Variants in TPST1 observed in about 807,000 individuals in gnomAD.
TPST1 encodes protein-tyrosine sulfotransferase 1.
In TPST1, 20 loss-of-function variants were observed where a neutral mutation model predicts 34.8. The observed-to-expected ratio is 0.57, with a 90% CI of 0.40 to 0.84. TPST1 has a LOEUF of 0.84. Ranked by LOEUF, TPST1 falls within the 40% of genes least tolerant of loss-of-function variation. The pLI, the probability that TPST1 is intolerant of heterozygous loss-of-function variation, is 0.00. For missense variants in TPST1, 353 were observed against 455.5 expected (o/e 0.78, Z 2.05); for synonymous variants, 152 against 159.4 (o/e 0.95, Z 0.35).
chr7:66,280,378 G>A (rs781492841), intron 2 of TPST1, among the ~76,000 whole-genome samples: 11 of 152,186 alleles, frequency 7.2e-5, no homozygotes, highest in Non-Finnish European at 1.2e-4. Context: ...TCAAGTTTTC[G>A]TGGCTATTGT....
In TPST1 at chr7:66,230,789, G is replaced by A. The variant is rs1166741111; in HGVS notation, c.-101-9536G>A. ...CAGCCTGCTTTTTATTCTTTTATCC[G>A]GCCCCACCCACATCCTGCTGATTGG... is the stretch of plus-strand genomic sequence containing the variant. On this transcript the variant is annotated intron_variant, in intron 1 of 5. Transcript: ENST00000304842. Among the ~76,000 whole-genome samples, 5 of 152,100 alleles carry A rather than the reference G, an allele frequency of 3.3e-5. No homozygotes were observed. In the East Asian group the frequency reaches 5.8e-4, roughly 18 times the overall value.
chr7:66,247,779 CTG>C (rs1247391945), intron 2 of TPST1, among the ~76,000 whole-genome samples: 1 of 152,162 alleles, frequency 6.6e-6, no homozygotes, highest in Non-Finnish European at 1.5e-5. Flanking sequence ...CTGTGCCTAA[CTG>C]TGGTTTACAG....
At chr7:66,227,450 T>A (rs551783089) in intron 1 of TPST1, among the ~76,000 whole-genome samples, 6 of 152,164 alleles carry the variant, frequency 3.9e-5, no homozygotes, top group African/African-American at 1.2e-4. Context: ...AGAGCTGGGG[T>A]GTGGCTCTGT....
chr7:66,317,240 G>A (rs1008197124), intron 3 of TPST1, among the ~76,000 whole-genome samples: 1 of 152,046 alleles, frequency 6.6e-6, no homozygotes, highest in African/African-American at 2.4e-5. Flanking sequence ...TTACTGATTT[G>A]TGCTACCTAT....
At chr7:66,337,566 C>T (rs1239368956) in intron 3 of TPST1, among the ~76,000 whole-genome samples, 1 of 151,994 alleles carries the variant, frequency 6.6e-6, no homozygotes, top group Non-Finnish European at 1.5e-5. Context: ...ATCTCGGCCT[C>T]CTGAAGTGCT....
At chr7:66,359,577 C>T (rs1236169411) in intron 5 of TPST1, 9 of 279,432 alleles carry the variant, frequency 3.2e-5, no homozygotes, top group Non-Finnish European at 5.7e-5. Flanking sequence ...ACAGTGCCCC[C>T]ACAGTAGCAA....
intron 3 of TPST1, among the ~76,000 whole-genome samples, chr7:66,339,492 T>C (rs943731007): frequency 2.6e-5 from 4 of 152,160 alleles, no homozygotes; most frequent in Non-Finnish European, 1.5e-5. Context: ...AAGGGATTAC[T>C]TCCCAACTCA....
chr7:66,252,753 A>G (rs550860221), intron 2 of TPST1, among the ~76,000 whole-genome samples: 1 of 152,306 alleles, frequency 6.6e-6, no homozygotes, highest in East Asian at 1.9e-4. Flanking sequence ...GTATTTACCA[A>G]TCTTTTTCTT....
Position 66,240,243 on chromosome 7 carries a change from T to TA in TPST1, c.-101-78dup, listed in dbSNP as rs1790000383. 39 of 733,336 alleles carry TA rather than the reference T, an allele frequency of 5.3e-5. No individual in the cohort carries two copies. The South Asian group carries it at 7.9e-4, about 15-fold the overall frequency. 45.4% of individuals were successfully genotyped at this position (733,336 alleles called of 1,614,324 possible). A position where few individuals can be genotyped will look rare whatever the true frequency, so the allele number is the denominator to read the frequency against. The stretch of plus-strand genomic sequence containing the variant: ...AAGACTGTTTCAGCTTCTTTCTACC[T>TA]AAAATGCAGTGGTGATAACTGGTGA... On this transcript the variant is annotated intron_variant, in intron 1 of 5. Transcript: ENST00000304842.
At chr7:66,359,570 G>A in intron 5 of TPST1, 1 of 275,556 alleles carries the variant, frequency 3.6e-6, no homozygotes, top group Non-Finnish European at 7.3e-6. Flanking sequence ...GCCCCTGACA[G>A]TGCCCCCACA....
intron 3 of TPST1, among the ~76,000 whole-genome samples, chr7:66,350,034 AGATG>A (rs1192241928): frequency 6.6e-6 from 1 of 151,886 alleles, no homozygotes; most frequent in Non-Finnish European, 1.5e-5. Context: ...CTTTTTTTCG[AGATG>A]GAGTTTCGCT....
intron 2 of TPST1, among the ~76,000 whole-genome samples, chr7:66,285,445 G>A (rs1035630828): frequency 1.5e-4 from 23 of 152,194 alleles, no homozygotes; most frequent in Admixed American, 5.9e-4. Context: ...AGAAAGGAAT[G>A]TGGCTCCTGA....
At chr7:66,308,284 A>C (rs552039003) in intron 3 of TPST1, among the ~76,000 whole-genome samples, 9 of 152,272 alleles carry the variant, frequency 5.9e-5, no homozygotes, top group Non-Finnish European at 1.0e-4. Flanking sequence ...AGGGTTCTAT[A>C]CTGTGATTTA....
intron 3 of TPST1, among the ~76,000 whole-genome samples, chr7:66,328,901 TATATA>T (rs1472908667): frequency 1.4e-4 from 8 of 58,340 alleles, no homozygotes; most frequent in Admixed American, 4.2e-4. Flanking sequence ...TATATATATA[TATATA>T]TTTTTTTTTT....
intron 3 of TPST1, among the ~76,000 whole-genome samples, chr7:66,328,384 T>C (rs887680820): frequency 5.9e-5 from 9 of 152,226 alleles, no homozygotes; most frequent in Middle Eastern, 3.4e-3. Flanking sequence ...CAATCATTTA[T>C]ATGTTTTGTG....
intron 3 of TPST1, among the ~76,000 whole-genome samples, chr7:66,333,283 A>C (rs1422630746): frequency 2.0e-5 from 3 of 152,230 alleles, no homozygotes; most frequent in Admixed American, 2.0e-4. Flanking sequence ...TTGACAGCCA[A>C]AGCCTCTTGT....
At chr7:66,295,947 T>TA (rs1425562302) in intron 3 of TPST1, among the ~76,000 whole-genome samples, 1 of 152,226 alleles carries the variant, frequency 6.6e-6, no homozygotes, top group Non-Finnish European at 1.5e-5. Context: ...TTATATGTAT[T>TA]AAAGTTTTGT....
At chr7:66,261,120 A>G (rs1228490325) in intron 2 of TPST1, among the ~76,000 whole-genome samples, 1 of 152,074 alleles carries the variant, frequency 6.6e-6, no homozygotes, top group East Asian at 1.9e-4. Context: ...TTCTCAAGGC[A>G]GTAAGCTGGG....
chr7:66,326,434 G>A (rs1178186539), intron 3 of TPST1, among the ~76,000 whole-genome samples: 1 of 152,184 alleles, frequency 6.6e-6, no homozygotes, highest in Admixed American at 6.6e-5. Context: ...AAAGGAAATT[G>A]ATGAAATTAC....
Sources: gnomAD v4.1 joint callset for allele counts (sites outside exome capture counted in the v4.1 genomes callset) on GRCh38, gnomAD v4.1.1 for gene constraint, MANE v1.5 for transcripts, NCBI Gene and HGNC (gene_info 2026-07-23, HGNC 2026-07-21) for gene names.